Variants in VEGFC observed in about 807,000 individuals in gnomAD.
VEGFC encodes the protein vascular endothelial growth factor C, also known as FLT4 ligand DHM.
Under a neutral mutation model 46.1 loss-of-function variants are expected in VEGFC, and 12 were observed. The ratio of observed to expected loss-of-function variants is 0.26; its 90% CI spans 0.17 to 0.42. The LOEUF is 0.42. Ranked by LOEUF, VEGFC falls within the 10% of genes least tolerant of loss-of-function variation. The probability of loss-of-function intolerance (pLI) is 1.00; values close to 1 mark genes in which losing one functional copy is unlikely to be tolerated. For synonymous variants in VEGFC, 232 were observed against 195.5 expected (o/e 1.19, Z -1.56); for missense variants, 488 against 529.4 (o/e 0.92, Z 0.77).
chr4:176,702,969 A>C (rs1734460162), intron 4 of VEGFC, among the ~76,000 whole-genome samples: 1 of 152,154 alleles, frequency 6.6e-6, no homozygotes, highest in South Asian at 2.1e-4. Flanking sequence ...ATTTTAACTT[A>C]AAATACAAAA....
At chr4:176,753,070 C>T (rs1314651641) in intron 1 of VEGFC, among the ~76,000 whole-genome samples, 1 of 152,030 alleles carries the variant, frequency 6.6e-6, no homozygotes, top group South Asian at 2.1e-4. Flanking sequence ...AATTTTGCCC[C>T]GCCTCTCCTA....
chr4:176,722,488 G>GTTTTTTTTTTTTTTTT (rs138526102), intron 3 of VEGFC, among the ~76,000 whole-genome samples: 1 of 134,974 alleles, frequency 7.4e-6, no homozygotes. Flanking sequence ...TTTTTCTTTT[G>GTTTTTTTTTTTTTTTT]TTTTTTTTTT....
At chr4:176,780,381 C>CAAAAAAAAAAAAAAAAA (rs1252541684) in intron 1 of VEGFC, among the ~76,000 whole-genome samples, 6 of 12,232 alleles carry the variant, frequency 4.9e-4, no homozygotes, top group South Asian at 4.2e-3. Context: ...GACTCCATCT[C>CAAAAAAAAAAAAAAAAA]AAAAAAAAAA....
At chr4:176,695,345 A>G (rs1453408363) in intron 4 of VEGFC, among the ~76,000 whole-genome samples, 1 of 151,526 alleles carries the variant, frequency 6.6e-6, no homozygotes, top group Non-Finnish European at 1.5e-5. Context: ...AGAATACTAC[A>G]AACACCTCTA....
chr4:176,765,108 G>A (rs1735596309), intron 1 of VEGFC, among the ~76,000 whole-genome samples: 1 of 152,090 alleles, frequency 6.6e-6, no homozygotes, highest in Non-Finnish European at 1.5e-5. Context: ...AAAGGAAGAT[G>A]AAGAATTTGA....
At chr4:176,782,728 A>G (rs1380209965) in intron 1 of VEGFC, among the ~76,000 whole-genome samples, 1 of 152,178 alleles carries the variant, frequency 6.6e-6, no homozygotes, top group Non-Finnish European at 1.5e-5. Flanking sequence ...TGAATAATAT[A>G]GTATTATCTA....
At chr4:176,704,902 G>GT (rs1040083349) in intron 4 of VEGFC, among the ~76,000 whole-genome samples, 1 of 151,992 alleles carries the variant, frequency 6.6e-6, no homozygotes, top group Non-Finnish European at 1.5e-5. Context: ...TCAGTCATAT[G>GT]TTTACATGTC....
chr4:176,755,986 A>G (rs1735426730), intron 1 of VEGFC, among the ~76,000 whole-genome samples: 1 of 152,058 alleles, frequency 6.6e-6, no homozygotes, highest in Non-Finnish European at 1.5e-5. Flanking sequence ...TAGTAAGTTA[A>G]GAGAATAATT....
At chr4:176,754,009 GAAT>G (rs534672902) in intron 1 of VEGFC, among the ~76,000 whole-genome samples, 14 of 152,160 alleles carry the variant, frequency 9.2e-5, no homozygotes, top group Admixed American at 9.2e-4. Context: ...AGGGAAGTCA[GAAT>G]ATTATTACTG....
At chr4:176,745,913 T>C (rs1166360230) in intron 1 of VEGFC, among the ~76,000 whole-genome samples, 1 of 152,088 alleles carries the variant, frequency 6.6e-6, no homozygotes, top group African/African-American at 2.4e-5. Context: ...AGTACCAGTG[T>C]ACAAGGGCAA....
chr4:176,774,378 A>G (rs1400107411), intron 1 of VEGFC, among the ~76,000 whole-genome samples: 3 of 152,156 alleles, frequency 2.0e-5, no homozygotes, highest in African/African-American at 7.2e-5. Context: ...AGAATATGTA[A>G]CATCATTAAT....
rs1735440180 is a variant in VEGFC, at chr4:176,756,809, C to A, written c.148-27063G>T. 3.3e-5 allele frequency among the ~76,000 whole-genome samples: 5 copies of A among 152,022 alleles called. No individual in the cohort carries two copies. In the South Asian group the frequency reaches 1.0e-3, roughly 31 times the overall value. On this transcript the variant is annotated intron_variant, in intron 1 of 6. Transcript: ENST00000618562. ...AAGAAAAAGATAGGACAATTAGGTT[C>A]TATTGCAATCACCAGAGCAAAGGAT...
intron 1 of VEGFC, among the ~76,000 whole-genome samples, chr4:176,778,070 T>G (rs1394668641): frequency 2.0e-5 from 3 of 152,180 alleles, no homozygotes; most frequent in Non-Finnish European, 4.4e-5. Context: ...AAAATAATCT[T>G]TCAAATACAA....
chr4:176,727,747 C>T (rs770531011), intron 3 of VEGFC, 31 bp downstream of exon 3: 1 of 1,583,518 alleles, frequency 6.3e-7, no homozygotes, highest in South Asian at 1.2e-5. Flanking sequence ...TAAGGGGGCT[C>T]TCGCAGGTAG....
chr4:176,789,994 T>C (rs1310015527), intron 1 of VEGFC, among the ~76,000 whole-genome samples: 1 of 152,240 alleles, frequency 6.6e-6, no homozygotes, highest in Non-Finnish European at 1.5e-5. Flanking sequence ...CATGTAGTTA[T>C]AGAAAATTAA....
At chr4:176,699,038 G>A (rs1165211600) in intron 4 of VEGFC, among the ~76,000 whole-genome samples, 1 of 152,166 alleles carries the variant, frequency 6.6e-6, no homozygotes, top group African/African-American at 2.4e-5. Flanking sequence ...TGTAGCACAT[G>A]ATGATTTTCT....
intron 3 of VEGFC, among the ~76,000 whole-genome samples, chr4:176,721,161 T>C (rs577524468): frequency 9.2e-5 from 14 of 152,238 alleles, no homozygotes; most frequent in Admixed American, 5.2e-4. Flanking sequence ...GGAAAAGCAT[T>C]GACATTTGAG....
chr4:176,733,857 T>C (rs1055856941), intron 1 of VEGFC, among the ~76,000 whole-genome samples: 1 of 151,764 alleles, frequency 6.6e-6, no homozygotes, highest in African/African-American at 2.4e-5. Flanking sequence ...AACTAAAAGG[T>C]AAATTTAAAG....
At chr4:176,726,633 G>A (rs572606647) in intron 3 of VEGFC, among the ~76,000 whole-genome samples, 3 of 152,000 alleles carry the variant, frequency 2.0e-5, no homozygotes, top group African/African-American at 4.8e-5. Flanking sequence ...CCAAATGATC[G>A]TAACAGTAAA....
Sources: gnomAD v4.1 joint callset for allele counts (sites outside exome capture counted in the v4.1 genomes callset) on GRCh38, gnomAD v4.1.1 for gene constraint, MANE v1.5 for transcripts, NCBI Gene and HGNC (gene_info 2026-07-23, HGNC 2026-07-21) for gene names.